MTPN: variants seen among roughly 807,000 people sequenced by gnomAD.
MTPN encodes the protein myotrophin.
Under a neutral mutation model 13.5 loss-of-function variants are expected in MTPN, and 2 were observed. That is an observed-to-expected ratio of 0.15 (90% confidence interval 0.06 to 0.47). MTPN has a LOEUF of 0.47. Among genes scored for constraint, MTPN ranks in the 20% least tolerant of loss-of-function variants. The pLI is 0.97. For synonymous variants in MTPN, 46 were observed against 51.7 expected (o/e 0.89, Z 0.48); for missense variants, 79 against 137.9 (o/e 0.57, Z 2.14).
chr7:135,937,421 G>C (rs1015365019), intron 3 of MTPN, among the ~76,000 whole-genome samples: 1 of 125,132 alleles, frequency 8.0e-6, no homozygotes, highest in African/African-American at 3.3e-5. Context: ...TCTCTCTCTT[G>C]AACCAAATAT....
intron 3 of MTPN, among the ~76,000 whole-genome samples, chr7:135,946,315 C>CT (rs531725799): frequency 2.6e-5 from 4 of 152,148 alleles, no homozygotes; most frequent in Non-Finnish European, 5.9e-5. Flanking sequence ...ATTAAAAAAT[C>CT]TTTTCAAAAA....
chr7:135,953,246 C>A, intron 1 of MTPN, among the ~76,000 whole-genome samples: 1 of 151,314 alleles, frequency 6.6e-6, no homozygotes, highest in Non-Finnish European at 1.5e-5. Context: ...TAATGGCAAG[C>A]TCTCTTTCTC....
chr7:135,930,221 T>C (rs768512409), intron 3 of MTPN, among the ~76,000 whole-genome samples: 2 of 152,214 alleles, frequency 1.3e-5, no homozygotes, highest in Non-Finnish European at 2.9e-5. Flanking sequence ...GCACTAAGAA[T>C]TGTAACCCAG....
intron 1 of MTPN, among the ~76,000 whole-genome samples, chr7:135,970,653 T>A (rs1361301782): frequency 6.6e-6 from 1 of 152,148 alleles, no homozygotes; most frequent in Non-Finnish European, 1.5e-5. Flanking sequence ...TCTGCACTAA[T>A]AAAAGGAAAA....
chr7:135,972,600 A>G (rs1249457605), intron 1 of MTPN, among the ~76,000 whole-genome samples: 1 of 152,200 alleles, frequency 6.6e-6, no homozygotes, highest in Non-Finnish European at 1.5e-5. Context: ...TATGTTGGAG[A>G]CAGAAAGATG....
At position 135,927,006 on chromosome 7, in the gene MTPN, T is replaced by C. The variant is rs140429497; in HGVS notation, c.*2920A>G. ...CAAAATAGAATCAGGACAATTTAAA[T>C]TTTTTATATTTTGCATGCAAAACAC... On this transcript the variant is annotated 3_prime_UTR_variant, in exon 4 of 4. Coordinates refer to ENST00000393085, the MANE Select transcript of MTPN (RefSeq NM_145808.4). 18 of 229,478 alleles carry C rather than the reference T, an allele frequency of 7.8e-5. No individual in the cohort carries two copies. The highest frequency in any genetic ancestry group is 4.0e-4 in the African/African-American group (18 of 44,610). The allele number at this position is 229,478 out of a possible 1,614,324, so 14.2% of individuals were successfully genotyped here.
At chr7:135,967,169 C>T (rs191464663) in intron 1 of MTPN, among the ~76,000 whole-genome samples, 2 of 152,088 alleles carry the variant, frequency 1.3e-5, no homozygotes, top group African/African-American at 4.8e-5. Flanking sequence ...TTTCTTAAGC[C>T]GCTGTTTTTC....
chr7:135,975,348 T>C (rs943630274), intron 1 of MTPN, among the ~76,000 whole-genome samples: 7 of 152,210 alleles, frequency 4.6e-5, no homozygotes, highest in African/African-American at 1.7e-4. Flanking sequence ...GACTGAGAGA[T>C]AGTGCGTGGA....
At position 135,927,293 on chromosome 7, in the gene MTPN, G is replaced by A. The variant is rs931538111; in HGVS notation, c.*2633C>T. On this transcript the variant is annotated 3_prime_UTR_variant, in exon 4 of 4. Transcript: ENST00000393085. ...CTGGGTTTAGAAAGGTGAGCTATGC[G>A]TAGAAGAACTACTTGGGATATTCAA... 56 of 1,549,622 alleles carry A rather than the reference G, an allele frequency of 3.6e-5. No homozygotes were observed. In the East Asian group the frequency reaches 8.1e-4, roughly 22 times the overall value.
intron 1 of MTPN, among the ~76,000 whole-genome samples, chr7:135,965,922 G>A (rs528555817): frequency 5.9e-5 from 9 of 152,230 alleles, no homozygotes; most frequent in South Asian, 4.1e-4. Flanking sequence ...CAAATGTAAC[G>A]AAACTGTATG....
chr7:135,931,342 C>T (rs558900477), intron 3 of MTPN, among the ~76,000 whole-genome samples: 11 of 151,954 alleles, frequency 7.2e-5, no homozygotes, highest in Non-Finnish European at 1.3e-4. Flanking sequence ...GGCAGGAGGG[C>T]GTTTTAAGGG....
chr7:135,931,875 G>C (rs1311847345), intron 3 of MTPN, among the ~76,000 whole-genome samples: 1 of 151,722 alleles, frequency 6.6e-6, no homozygotes, highest in African/African-American at 2.4e-5. Flanking sequence ...ATATAGATGG[G>C]GTATGTGATG....
chr7:135,928,625 A>G lies in MTPN; in HGVS notation c.*1301T>C, dbSNP rs1448497627. 4 of 166,970 alleles carry G rather than the reference A, an allele frequency of 2.4e-5. No individual in the cohort carries two copies. The highest frequency in any genetic ancestry group is 4.4e-5 in the Non-Finnish European group (3 of 68,118). The allele number at this position is 166,970 out of a possible 1,614,324, so 10.3% of individuals were successfully genotyped here. On this transcript the variant is annotated 3_prime_UTR_variant, in exon 4 of 4. Coordinates refer to ENST00000393085, the MANE Select transcript of MTPN (RefSeq NM_145808.4). Reference sequence around the variant, plus strand: ...TGTAAGATATAAAATTTAAGCTTATATATTTTAATTAGCTGTACTGCTCAT... The same window carrying G: ...TGTAAGATATAAAATTTAAGCTTATGTATTTTAATTAGCTGTACTGCTCAT...
intron 3 of MTPN, among the ~76,000 whole-genome samples, chr7:135,933,098 C>CAAAAAAAA (rs56865854): frequency 3.2e-5 from 2 of 63,042 alleles, no homozygotes; most frequent in East Asian, 4.8e-4. Flanking sequence ...CACTCAGCCT[C>CAAAAAAAA]AAAAAAAAAA....
intron 1 of MTPN, among the ~76,000 whole-genome samples, chr7:135,972,461 T>C (rs1459855560): frequency 6.6e-6 from 1 of 152,242 alleles, no homozygotes; most frequent in Non-Finnish European, 1.5e-5. Context: ...TACCTGACAA[T>C]GTAAGTCATC....
chr7:135,954,502 C>T (rs1799411031), intron 1 of MTPN, among the ~76,000 whole-genome samples: 1 of 152,154 alleles, frequency 6.6e-6, no homozygotes, highest in Admixed American at 6.6e-5. Flanking sequence ...AATTAGTTTG[C>T]CCCCCATTAT....
intron 3 of MTPN, among the ~76,000 whole-genome samples, chr7:135,935,921 C>T (rs955693888): frequency 6.6e-6 from 1 of 152,082 alleles, no homozygotes; most frequent in Non-Finnish European, 1.5e-5. Context: ...TATGAAATTA[C>T]AATTGTGGTA....
At chr7:135,945,436 T>C (rs1232396428) in intron 3 of MTPN, among the ~76,000 whole-genome samples, 2 of 152,200 alleles carry the variant, frequency 1.3e-5, no homozygotes, top group East Asian at 1.9e-4. Context: ...TAGAAAAATA[T>C]TTTCTTTTAT....
intron 1 of MTPN, among the ~76,000 whole-genome samples, chr7:135,974,284 C>T (rs1216033283): frequency 6.6e-6 from 1 of 152,114 alleles, no homozygotes; most frequent in African/African-American, 2.4e-5. Context: ...GCTTTCACAC[C>T]TGTAATCCCA....
Sources: allele counts gnomAD v4.1 joint callset (sites outside exome capture counted in the v4.1 genomes callset), GRCh38; gene constraint gnomAD v4.1.1; transcripts MANE v1.5; gene names NCBI Gene and HGNC (gene_info 2026-07-23, HGNC 2026-07-21).